ATP2B1: variants seen among roughly 807,000 people sequenced by gnomAD.
ATP2B1 encodes plasma membrane calcium-transporting ATPase 1.
A neutral mutation model predicts 124.2 loss-of-function variants in ATP2B1; 14 were observed. The observed-to-expected ratio is 0.11, with a 90% CI of 0.07 to 0.18. The LOEUF (loss-of-function observed/expected upper bound fraction) is 0.18, where lower values mean the gene tolerates loss of function less well. Among genes scored for constraint, ATP2B1 ranks in the 10% least tolerant of loss-of-function variants. The probability of loss-of-function intolerance (pLI) is 1.00; values close to 1 mark genes in which losing one functional copy is unlikely to be tolerated. For synonymous variants in ATP2B1, 449 were observed against 492.4 expected (o/e 0.91, Z 1.17); for missense variants, 763 against 1,466.1 (o/e 0.52, Z 7.83).
At chr12:89,637,965 A>G (rs1565853741) in intron 3 of ATP2B1, among the ~76,000 whole-genome samples, 1 of 152,120 alleles carries the variant, frequency 6.6e-6, no homozygotes, top group South Asian at 2.1e-4. Flanking sequence ...ACTTGAAGCA[A>G]ATTAATGACA....
intron 11 of ATP2B1, among the ~76,000 whole-genome samples, chr12:89,618,664 A>T (rs145667502): frequency 1.3e-5 from 2 of 152,310 alleles, no homozygotes; most frequent in Non-Finnish European, 2.9e-5. Flanking sequence ...CCCCAGTATG[A>T]CCTGCATATT....
At chr12:89,651,733 G>T in intron 2 of ATP2B1, among the ~76,000 whole-genome samples, 1 of 152,086 alleles carries the variant, frequency 6.6e-6, no homozygotes, top group Non-Finnish European at 1.5e-5. Flanking sequence ...CAAGCTATGT[G>T]AACTGAACTT....
intron 1 of ATP2B1, among the ~76,000 whole-genome samples, chr12:89,672,032 T>C (rs531245504): frequency 6.6e-5 from 10 of 152,178 alleles, no homozygotes; most frequent in Non-Finnish European, 1.3e-4. Context: ...AATCTCTTCC[T>C]TTTTGAAATC....
intron 1 of ATP2B1, among the ~76,000 whole-genome samples, chr12:89,671,066 G>A (rs577803197): frequency 7.2e-5 from 11 of 152,082 alleles, no homozygotes; most frequent in African/African-American, 2.7e-4. Flanking sequence ...ATTATATCAG[G>A]TTAAACCATA....
rs1256171525 is a variant in ATP2B1, at chr12:89,627,176, G to C, written c.967+502C>G. Among the ~76,000 whole-genome samples the C allele has an allele frequency of 3.3e-5, 5 of 152,046 alleles. No homozygotes were observed. The East Asian group carries it at 7.7e-4, about 24-fold the overall frequency. ...AATACCTCAAAATCTGAAACTTTTT[G>C]AGCACTGACATGACACAAGTGGAAA... On this transcript the variant is annotated intron_variant, in intron 7 of 20. Transcript: ENST00000428670.
chr12:89,684,928 A>T (rs992364484), intron 1 of ATP2B1, among the ~76,000 whole-genome samples: 1 of 152,196 alleles, frequency 6.6e-6, no homozygotes, highest in Admixed American at 6.6e-5. Flanking sequence ...TTCTAAACCA[A>T]TGAAAGAGAA....
chr12:89,663,333 T>G (rs1188716116), intron 1 of ATP2B1, among the ~76,000 whole-genome samples: 1 of 152,188 alleles, frequency 6.6e-6, no homozygotes, highest in Non-Finnish European at 1.5e-5. Context: ...TAAAAGGAAT[T>G]ACACGCCTGC....
intron 1 of ATP2B1, among the ~76,000 whole-genome samples, chr12:89,689,942 C>A (rs928334449): frequency 2.6e-5 from 4 of 152,106 alleles, no homozygotes; most frequent in Non-Finnish European, 5.9e-5. Context: ...CTAATCCTAA[C>A]ACAAACCTAG....
At chr12:89,598,640 G>T (rs750305317) in intron 20 of ATP2B1, 2 of 1,613,818 alleles carry the variant, frequency 1.2e-6, no homozygotes, top group African/African-American at 2.7e-5. Context: ...ATGTGTAGGG[G>T]TAGAAATATT....
intron 15 of ATP2B1, among the ~76,000 whole-genome samples, chr12:89,605,640 A>C (rs1245597301): frequency 1.3e-5 from 2 of 152,250 alleles, no homozygotes; most frequent in Non-Finnish European, 2.9e-5. Flanking sequence ...AAATGGACAA[A>C]GACAAACCCT....
At chr12:89,621,291 C>T (rs1020887592) in intron 10 of ATP2B1, among the ~76,000 whole-genome samples, 2 of 152,038 alleles carry the variant, frequency 1.3e-5, no homozygotes, top group Non-Finnish European at 2.9e-5. Flanking sequence ...TAAATACATG[C>T]TCTGGTTATA....
chr12:89,659,916 A>C (rs1367328640), intron 1 of ATP2B1, among the ~76,000 whole-genome samples: 5 of 138,408 alleles, frequency 3.6e-5, no homozygotes, highest in Non-Finnish European at 7.8e-5. Context: ...AGCGAGACTC[A>C]AAAAAAAAAA....
chr12:89,623,418 T>C (rs1021170860), intron 9 of ATP2B1, among the ~76,000 whole-genome samples: 1 of 152,030 alleles, frequency 6.6e-6, no homozygotes, highest in African/African-American at 2.4e-5. Context: ...AATAAATTAA[T>C]AATCTTCAAA....
At chr12:89,681,354 A>G (rs1889326355) in intron 1 of ATP2B1, among the ~76,000 whole-genome samples, 1 of 151,356 alleles carries the variant, frequency 6.6e-6, no homozygotes, top group African/African-American at 2.4e-5. Flanking sequence ...GATGAAACAG[A>G]AAATGTTGCA....
At chr12:89,653,292 T>C (rs965438668) in intron 2 of ATP2B1, among the ~76,000 whole-genome samples, 57 of 137,624 alleles carry the variant, frequency 4.1e-4, no homozygotes, top group African/African-American at 1.3e-3. Context: ...TCTTTTTTTT[T>C]TTTTTTTTTT....
chr12:89,590,376 T>C lies in ATP2B1; in HGVS notation c.*608A>G, dbSNP rs765762740. 7 of 152,356 alleles carry C rather than the reference T, an allele frequency of 4.6e-5. No individual in the cohort carries two copies. The highest frequency in any genetic ancestry group is 1.0e-4 in the Non-Finnish European group (7 of 67,950). The allele number at this position is 152,356 out of a possible 1,614,324, so 9.4% of individuals were successfully genotyped here. ...TATCTACAATATTTAACAAGGTAAA[T>C]TGTAGGCAAAAATTTAGTACAGTTT... On this transcript the variant is annotated 3_prime_UTR_variant, in exon 21 of 21. Coordinates refer to ENST00000428670, the MANE Select transcript of ATP2B1 (RefSeq NM_001366521.1).
intron 1 of ATP2B1, among the ~76,000 whole-genome samples, chr12:89,686,278 A>G (rs1403925688): frequency 1.3e-5 from 2 of 152,084 alleles, no homozygotes; most frequent in African/African-American, 4.8e-5. Flanking sequence ...AAGCTGTTAG[A>G]AATGTATTTC....
chr12:89,617,097 A>G, intron 11 of ATP2B1, 58 bp from the exon 12 acceptor site: 1 of 1,338,244 alleles, frequency 7.5e-7, no homozygotes, highest in Admixed American at 1.7e-5. Flanking sequence ...GGTTAATGCC[A>G]TTTAAGTGAA....
At chr12:89,592,520 T>C (rs1344377466) in intron 20 of ATP2B1, among the ~76,000 whole-genome samples, 2 of 152,046 alleles carry the variant, frequency 1.3e-5, no homozygotes, top group African/African-American at 4.8e-5. Context: ...AAGTTGTCTT[T>C]CCTTATTTGC....
Sources: allele counts gnomAD v4.1 joint callset (sites outside exome capture counted in the v4.1 genomes callset), GRCh38; gene constraint gnomAD v4.1.1; transcripts MANE v1.5; gene names NCBI Gene and HGNC (gene_info 2026-07-23, HGNC 2026-07-21).